The following EXOC6 variants were observed in gnomAD, a reference collection of about 807,000 sequenced individuals.
EXOC6 encodes the protein SEC15-like 1.
A neutral mutation model predicts 112.5 loss-of-function variants in EXOC6; 60 were observed. The ratio of observed to expected loss-of-function variants is 0.53; its 90% confidence interval spans 0.43 to 0.66. The LOEUF (loss-of-function observed/expected upper bound fraction) is 0.66. EXOC6 is among the 30% of genes least tolerant of loss of function. EXOC6 has a pLI of 0.00. For missense variants in EXOC6, 855 were observed against 957.1 expected (o/e 0.89, Z 1.41); for synonymous variants, 295 against 308.0 (o/e 0.96, Z 0.44).
intron 6 of EXOC6, among the ~76,000 whole-genome samples, chr10:92,911,928 T>TGTG (rs1564823517): frequency 2.0e-4 from 19 of 95,038 alleles, no homozygotes; most frequent in African/African-American, 7.5e-4. Flanking sequence ...TCTCTCTCTC[T>TGTG]CTCTGTGTGC....
At chr10:92,862,332 C>G (rs558962957) in intron 1 of EXOC6, among the ~76,000 whole-genome samples, 2 of 149,634 alleles carry the variant, frequency 1.3e-5, no homozygotes, top group South Asian at 2.1e-4. Context: ...AGTTTCATGC[C>G]CCCCCCCCAT....
intron 1 of EXOC6, among the ~76,000 whole-genome samples, chr10:92,851,929 G>A (rs1485465858): frequency 2.6e-5 from 4 of 152,040 alleles, no homozygotes; most frequent in African/African-American, 9.7e-5. Flanking sequence ...TTAGCTAAGT[G>A]TGGTGGTGTG....
chr10:92,829,273 G>C (rs150104639), intron 1 of EXOC6, among the ~76,000 whole-genome samples: 19 of 152,192 alleles, frequency 1.2e-4, no homozygotes, highest in African/African-American at 4.6e-4. Context: ...CAATCTGTGC[G>C]CCCTATGCAA....
intron 20 of EXOC6, among the ~76,000 whole-genome samples, chr10:93,042,529 G>A (rs1845828997): frequency 6.6e-6 from 1 of 152,140 alleles, no homozygotes. Context: ...AGAGAAAGTT[G>A]GGACTCAGAG....
At position 92,848,560 on chromosome 10, in the gene EXOC6, C is replaced by T. The variant is rs536685797; in HGVS notation, c.27C>T (p.Gly9=). Residue 9 remains glycine, a synonymous_variant, in exon 1 of 22, where the codon GGC becomes GGT. Transcript: ENST00000260762. ...TGGCGGAGAACAGCGAGAGTCTGGG[C>T]ACCGTCCCCGAGCACGAGCGGATCT... MAENSESL[G]TVPEHERILQ... The T allele has an allele frequency of 2.1e-6, 3 of 1,438,458 alleles. No homozygotes were observed. The highest frequency in any genetic ancestry group is 2.8e-6 in the Non-Finnish European group (3 of 1,077,462). The allele number at this position is 1,438,458 out of a possible 1,614,324, so 89.1% of individuals were successfully genotyped here.
At chr10:92,833,510 AC>A (rs1347795224), upstream of EXOC6, among the ~76,000 whole-genome samples, 19 of 152,190 alleles carry the variant, frequency 1.2e-4, no homozygotes, top group Admixed American at 9.8e-4. Context: ...AAGTCATGGG[AC>A]GACAAATACT....
chr10:93,037,092 C>T (rs1014936343), intron 20 of EXOC6, among the ~76,000 whole-genome samples: 1 of 151,348 alleles, frequency 6.6e-6, no homozygotes, highest in Non-Finnish European at 1.5e-5. Flanking sequence ...GGAGCTATAT[C>T]TTTTCTCTCA....
At chr10:92,851,328 G>A (rs902131764) in intron 1 of EXOC6, among the ~76,000 whole-genome samples, 16 of 152,130 alleles carry the variant, frequency 1.1e-4, no homozygotes, top group African/African-American at 3.4e-4. Context: ...AACCTTTAGG[G>A]GTAGAAAAGG....
rs139935096 is a variant in EXOC6, at chr10:92,869,893, A to C, written c.101+21259A>C. ...AGACAGGGGGCATCTTTTTTTCCTG[A>C]CTTTAGCAGGGGAAACCTTTAGTAT... On this transcript the variant is annotated intron_variant, in intron 1 of 21. Transcript: ENST00000260762. Among the ~76,000 whole-genome samples the C allele has an allele frequency of 9.4e-5, 14 of 149,518 alleles. No individual in the cohort carries two copies. The East Asian group carries it at 2.7e-3, about 29-fold the overall frequency.
chr10:92,849,727 A>G (rs1257867839), intron 1 of EXOC6, among the ~76,000 whole-genome samples: 2 of 152,214 alleles, frequency 1.3e-5, no homozygotes, highest in African/African-American at 4.8e-5. Flanking sequence ...CTTAAGAGTC[A>G]GGAGGCCTGG....
At chr10:92,836,203 CT>C (rs548084516) in intron 1 of EXOC6, among the ~76,000 whole-genome samples, 97 of 152,298 alleles carry the variant, frequency 6.4e-4, no homozygotes, top group Non-Finnish European at 1.1e-3. Context: ...CCCTTTCTAC[CT>C]CTCCCCGGTC....
Position 93,058,381 on chromosome 10 carries a change from C to T in EXOC6, c.*26C>T. The T allele has an allele frequency of 6.4e-7, 1 of 1,557,086 alleles. No individual in the cohort carries two copies. Among genetic ancestry groups the T allele is most frequent in the African/African-American group, 1.4e-5 (1 of 72,264 alleles). ...ACCTCACATGGCTTGCACTCAGTGA[C>T]ACCAAATCCATGATTCAATGTTGAT... On this transcript the variant is annotated 3_prime_UTR_variant, in exon 22 of 22. Coordinates refer to ENST00000260762, the MANE Select transcript of EXOC6 (RefSeq NM_019053.6).
At chr10:92,839,048 G>T (rs185304138) in intron 1 of EXOC6, among the ~76,000 whole-genome samples, 1 of 151,852 alleles carries the variant, frequency 6.6e-6, no homozygotes, top group Non-Finnish European at 1.5e-5. Flanking sequence ...ACTCTGGCCC[G>T]GGCGACAGAG....
At chr10:92,985,731 G>A in intron 18 of EXOC6, among the ~76,000 whole-genome samples, 1 of 151,848 alleles carries the variant, frequency 6.6e-6, no homozygotes, top group Non-Finnish European at 1.5e-5. Flanking sequence ...GCACTTTTCT[G>A]CCCTTTATTT....
chr10:92,929,819 G>A (rs578076254), intron 9 of EXOC6, among the ~76,000 whole-genome samples: 28 of 152,310 alleles, frequency 1.8e-4, no homozygotes, highest in African/African-American at 6.5e-4. Flanking sequence ...AAAAATTACT[G>A]AAGTGAGACA....
chr10:93,012,868 C>CA lies in EXOC6; in HGVS notation c.2096-1319dup, dbSNP rs200647145. Among the ~76,000 whole-genome samples, 941 of 151,590 alleles carry CA rather than the reference C, an allele frequency of 6.2e-3. 5 individuals are homozygous for CA. The highest frequency in any genetic ancestry group is 0.011 in the Non-Finnish European group (740 of 67,860). On this transcript the variant is annotated intron_variant, in intron 19 of 21. Coordinates refer to ENST00000260762, the MANE Select transcript of EXOC6 (RefSeq NM_019053.6). ...CCACATAGCAATACCCTATCTCTACCAAAAAAACCCCCAAAAAAACAAAAA... is the reference window on the plus strand; with the variant it reads ...CCACATAGCAATACCCTATCTCTACCAAAAAAAACCCCCAAAAAAACAAAAA...
At chr10:92,894,612 A>C (rs1428717732) in intron 2 of EXOC6, among the ~76,000 whole-genome samples, 182 bp from the exon 3 acceptor site, 1 of 152,190 alleles carries the variant, frequency 6.6e-6, no homozygotes, top group East Asian at 1.9e-4. Context: ...TGTCATAAGT[A>C]ATTGAAGTTA....
At chr10:93,033,901 A>C (rs1034135528) in intron 20 of EXOC6, among the ~76,000 whole-genome samples, 5 of 152,242 alleles carry the variant, frequency 3.3e-5, no homozygotes, top group Admixed American at 3.3e-4. Flanking sequence ...AGACAGCTAA[A>C]GGATAAAAAG....
intron 19 of EXOC6, among the ~76,000 whole-genome samples, chr10:93,004,364 A>ACT (rs543049188): frequency 8.8e-4 from 134 of 152,142 alleles, no homozygotes; most frequent in African/African-American, 3.1e-3. Context: ...CAAATCAGGA[A>ACT]CTCTCTGTAA....
Sources: gnomAD v4.1 joint callset for allele counts (sites outside exome capture counted in the v4.1 genomes callset) on GRCh38, gnomAD v4.1.1 for gene constraint, MANE v1.5 for transcripts, NCBI Gene and HGNC (gene_info 2026-07-23, HGNC 2026-07-21) for gene names.